The following SULT1C2 variants were observed in gnomAD, a reference collection of about 807,000 sequenced individuals.
SULT1C2 encodes the protein sulfotransferase family 1C member 2, also known as sulfotransferase 1C2.
Under a neutral mutation model 36.0 loss-of-function variants are expected in SULT1C2, and 27 were observed. The observed-to-expected ratio is 0.75, with a 90% CI of 0.55 to 1.03. The LOEUF (loss-of-function observed/expected upper bound fraction) is 1.03. SULT1C2 is among the 50% of genes least tolerant of loss of function. The pLI is 0.00. For missense variants in SULT1C2, 395 were observed against 359.2 expected (o/e 1.10, Z -0.80); for synonymous variants, 121 against 116.0 (o/e 1.04, Z -0.27).
rs1676525053 is a variant in SULT1C2, at chr2:108,288,920, G to A, written c.-172G>A. 6.6e-6 allele frequency: 1 copy of A among 152,604 alleles called. No individual in the cohort carries two copies. The highest frequency in any genetic ancestry group is 1.5e-5 in the Non-Finnish European group (1 of 68,070). 9.5% of individuals were successfully genotyped at this position (152,604 alleles called of 1,614,324 possible). A position where few individuals can be genotyped will look rare whatever the true frequency, so the allele number is the denominator to read the frequency against. ...ACACTGAAGCTGAGAGCCTCCCAAA[G>A]TGCTGGCTACCTGCTGAGCGCCCCC... On this transcript the variant is annotated 5_prime_UTR_variant, in exon 1 of 8. The change creates a new upstream start codon in the 5' untranslated region. Coordinates refer to ENST00000251481, the MANE Select transcript of SULT1C2 (RefSeq NM_001056.4).
intron 4 of SULT1C2, 167 bp downstream of exon 4, chr2:108,301,102 T>C: frequency 2.4e-6 from 2 of 845,492 alleles, no homozygotes; most frequent in Non-Finnish European, 1.8e-6. Flanking sequence ...GACATTCACC[T>C]GAACAGTTTC....
In SULT1C2 at chr2:108,304,707, G is replaced by GA. The variant is rs779464870; in HGVS notation, c.502+9dup. ...ACCTTCATCAATGGAAAAGGTACGG[G>GA]AACATCCTTCACACCCTTGCATTCT... On this transcript the variant is annotated splice_region_variant and intron_variant, in intron 5 of 7. Transcript: ENST00000251481. The GA allele has an allele frequency of 1.2e-6, 2 of 1,608,764 alleles. No homozygotes were observed. Among genetic ancestry groups the GA allele is most frequent in the South Asian group, 2.2e-5 (2 of 89,726 alleles).
chr2:108,300,499 G>T (rs888568884), intron 3 of SULT1C2: 8 of 377,362 alleles, frequency 2.1e-5, no homozygotes, highest in African/African-American at 1.0e-4. Context: ...AGGCACATGG[G>T]GGTCATCTCT....
intron 3 of SULT1C2, chr2:108,299,477 A>C (rs1176000045): frequency 6.6e-6 from 1 of 152,654 alleles, no homozygotes; most frequent in Non-Finnish European, 1.5e-5. Flanking sequence ...ATGTGTAGAA[A>C]TGAGAGCCGG....
At chr2:108,300,515 G>A in intron 3 of SULT1C2, 1 of 388,296 alleles carries the variant, frequency 2.6e-6, no homozygotes, top group Non-Finnish European at 4.5e-6. Context: ...TCTCTGGCTG[G>A]CAGGAAGGTG....
chr2:108,293,566 C>T (rs1573243830), intron 1 of SULT1C2, 81 bp from the exon 2 acceptor site: 57 of 1,363,786 alleles, frequency 4.2e-5, no homozygotes, highest in East Asian at 1.4e-4. Context: ...GTACACCTAA[C>T]GATGGTTAAA....
At position 108,308,336 on chromosome 2, in the gene SULT1C2, G is replaced by A. The variant is rs1003050588; in HGVS notation, c.779-16G>A. 3 of 1,596,262 alleles carry A rather than the reference G, an allele frequency of 1.9e-6. No homozygotes were observed. Among genetic ancestry groups the A allele is most frequent in the African/African-American group, 2.7e-5 (2 of 73,888 alleles). ...TCAATCAGAGTGACACTCCTGTCTG[G>A]CCTTCCTTTTTCTAGGAACTGTGGG... On this transcript the variant is annotated splice_polypyrimidine_tract_variant and intron_variant, in intron 7 of 7. Transcript: ENST00000251481.
Position 108,305,420 on chromosome 2 carries a change from A to C in SULT1C2, c.603A>C (p.Pro201=). 1.9e-6 allele frequency: 3 copies of C among 1,613,962 alleles called. No homozygotes were observed. The highest frequency in any genetic ancestry group is 2.5e-6 in the Non-Finnish European group (3 of 1,179,874). ...CAATGTTACCCTTGCCGCAGGACCCAAAGCATGAAATTCGGAAGGTGATGC... is the reference window on the plus strand; with the variant it reads ...CAATGTTACCCTTGCCGCAGGACCCCAAGCATGAAATTCGGAAGGTGATGC... ...FLFYEDIKRD[P]KHEIRKVMQF... The change falls in exon 7 of 8, where the codon CCA becomes CCC. Residue 201 remains proline (P), a synonymous_variant. Transcript: ENST00000251481.
In SULT1C2 at chr2:108,308,431, A is replaced by G. The variant is rs1677075700; in HGVS notation, c.858A>G (p.Glu286=). The change falls in exon 8 of 8, where the codon GAA becomes GAG. Residue 286 remains glutamate (E), a synonymous_variant. Transcript: ENST00000251481. ...ATGAAATCTATAGAAGAAAGATGGA[A>G]GGAACCTCCATAAACTTCTGCATGG... ...RFDEIYRRKM[E]GTSINFCMEL 6.2e-7 allele frequency: 1 copy of G among 1,612,524 alleles called. No homozygotes were observed. The highest frequency in any genetic ancestry group is 8.5e-7 in the Non-Finnish European group (1 of 1,179,694).
chr2:108,297,505 A>G (rs1412194115), intron 3 of SULT1C2, among the ~76,000 whole-genome samples: 1 of 152,176 alleles, frequency 6.6e-6, no homozygotes, highest in Non-Finnish European at 1.5e-5. Context: ...GCAACTGACG[A>G]AGGCCAAAAA....
chr2:108,306,498 G>A (rs1677028850), intron 7 of SULT1C2, among the ~76,000 whole-genome samples: 1 of 152,200 alleles, frequency 6.6e-6, no homozygotes, highest in Admixed American at 6.5e-5. Context: ...CAGCTTCTCA[G>A]GAGGCTAAGG....
At chr2:108,297,867 G>A (rs907911010) in intron 3 of SULT1C2, among the ~76,000 whole-genome samples, 3 of 152,178 alleles carry the variant, frequency 2.0e-5, no homozygotes, top group African/African-American at 4.8e-5. Flanking sequence ...AACAGGGCTG[G>A]ATCAGGAGTA....
At chr2:108,294,393 T>C in intron 3 of SULT1C2, 39 bp downstream of exon 3, 1 of 1,607,364 alleles carries the variant, frequency 6.2e-7, no homozygotes, top group Admixed American at 1.7e-5. Context: ...CTGCTTTCTT[T>C]CCCTCTCTCT....
In SULT1C2 at chr2:108,308,732, AT is replaced by A; in HGVS notation, c.*270del. On this transcript the variant is annotated 3_prime_UTR_variant, in exon 8 of 8. Transcript: ENST00000251481. ...AAACGTATGACTTGAGTACAAAAGG[AT>A]TGTTTTAATCCCCATTATTCTGGAA... 2.8e-6 allele frequency: 1 copy of A among 361,178 alleles called. No homozygotes were observed. The highest frequency in any genetic ancestry group is 5.0e-6 in the Non-Finnish European group (1 of 200,990). The allele number at this position is 361,178 out of a possible 1,614,324, so 22.4% of individuals were successfully genotyped here. A position where few individuals can be genotyped will look rare whatever the true frequency, so the allele number is the denominator to read the frequency against.
In SULT1C2 at chr2:108,308,604, C is replaced by A; in HGVS notation, c.*140C>A. 1.6e-6 allele frequency: 1 copy of A among 642,262 alleles called. No homozygotes were observed. Among genetic ancestry groups the A allele is most frequent in the Non-Finnish European group, 2.5e-6 (1 of 395,506 alleles). The allele number at this position is 642,262 out of a possible 1,614,324, so 39.8% of individuals were successfully genotyped here. A position where few individuals can be genotyped will look rare whatever the true frequency, so the allele number is the denominator to read the frequency against. On this transcript the variant is annotated 3_prime_UTR_variant, in exon 8 of 8. Transcript: ENST00000251481. Reference sequence around the variant, plus strand: ...TACAAACAATCTCTGTGATGATTAACAGTATGTCACCACTTCATTTTTTAA... The same window carrying A: ...TACAAACAATCTCTGTGATGATTAAAAGTATGTCACCACTTCATTTTTTAA...
Position 108,308,436 on chromosome 2 carries a change from C to A in SULT1C2, c.863C>A (p.Thr288Asn). The change falls in exon 8 of 8, where the codon ACC (threonine) becomes AAC (asparagine). Residue 288 changes from threonine to asparagine, a missense_variant. By Grantham distance (65) the Thr-to-Asn change is moderately conservative. Coordinates refer to ENST00000251481, the MANE Select transcript of SULT1C2 (RefSeq NM_001056.4). ...DEIYRRKMEG[T>N]SINFCMEL ...ATCTATAGAAGAAAGATGGAAGGAA[C>A]CTCCATAAACTTCTGCATGGAACTC... 3 of 1,612,252 alleles carry A rather than the reference C, an allele frequency of 1.9e-6. No homozygotes were observed. Among genetic ancestry groups the A allele is most frequent in the South Asian group, 1.1e-5 (1 of 90,564 alleles).
intron 4 of SULT1C2, chr2:108,303,813 A>G (rs1676949581): frequency 6.6e-6 from 1 of 152,244 alleles, no homozygotes; most frequent in Non-Finnish European, 1.5e-5. Flanking sequence ...TGTGCAACCA[A>G]AAATGTCTCC....
At chr2:108,294,457 C>CATCTCTCCTTCCTCTTTTCTCTCTCCCT in intron 3 of SULT1C2, 103 bp downstream of exon 3, 1 of 1,370,036 alleles carries the variant, frequency 7.3e-7, no homozygotes, top group South Asian at 1.5e-5. Context: ...TCTCTCTCTC[C>CATCTCTCCTTCCTCTTTTCTCTCTCCCT]CCCATCTCTC....
At position 108,304,687 on chromosome 2, in the gene SULT1C2, C is replaced by A. The variant is rs1487533477; in HGVS notation, c.489C>A (p.Phe163Leu). ...CCTGGGAAGAGTATTTTGAAACCTT[C>A]ATCAATGGAAAAGGTACGGGAACAT... Reference protein sequence around the residue: ...PGTWEEYFETFINGKVVWGSW... With the variant: ...PGTWEEYFETLINGKVVWGSW... Residue 163 changes from phenylalanine (F) to leucine (L), a missense_variant, in exon 5 of 8, where the codon TTC becomes TTA. Coordinates refer to ENST00000251481, the MANE Select transcript of SULT1C2 (RefSeq NM_001056.4). 1.9e-6 allele frequency: 3 copies of A among 1,612,788 alleles called. No individual in the cohort carries two copies. Among genetic ancestry groups the A allele is most frequent in the African/African-American group, 1.3e-5 (1 of 74,986 alleles).
Sources: gnomAD v4.1 joint callset for allele counts (sites outside exome capture counted in the v4.1 genomes callset) on GRCh38, gnomAD v4.1.1 for gene constraint, MANE v1.5 for transcripts, NCBI Gene and HGNC (gene_info 2026-07-23, HGNC 2026-07-21) for gene names.